The following PIK3C2G variants were observed in gnomAD, a reference collection of about 807,000 sequenced individuals.
PIK3C2G encodes the protein phosphatidylinositol-4-phosphate 3-kinase catalytic subunit type 2 gamma.
In PIK3C2G, 168 loss-of-function variants were observed where a neutral mutation model predicts 181.1. That is an observed-to-expected ratio of 0.93 (90% CI 0.82 to 1.05). The LOEUF (loss-of-function observed/expected upper bound fraction) is 1.05, where lower values mean the gene tolerates loss of function less well. Ranked by LOEUF, PIK3C2G falls within the 50% of genes least tolerant of loss-of-function variation. The probability of loss-of-function intolerance (pLI) is 0.00; values close to 1 mark genes in which losing one functional copy is unlikely to be tolerated. For missense variants in PIK3C2G, 1,869 were observed against 1,732.8 expected, an observed-to-expected ratio of 1.08 and a Z score of -1.40; for synonymous variants, 573 against 592.2, an observed-to-expected ratio of 0.97 and a Z score of 0.47.
intron 18 of PIK3C2G, among the ~76,000 whole-genome samples, chr12:18,449,620 G>A (rs777389709): frequency 6.6e-6 from 1 of 152,132 alleles, no homozygotes; most frequent in African/African-American, 2.4e-5. Flanking sequence ...TTCCTGCAAA[G>A]GACATGAATT....
intron 18 of PIK3C2G, among the ~76,000 whole-genome samples, chr12:18,426,440 A>G (rs1340979505): frequency 6.6e-6 from 1 of 152,152 alleles, no homozygotes; most frequent in Non-Finnish European, 1.5e-5. Flanking sequence ...TTATCCTATT[A>G]TCACCTACAC....
chr12:18,685,588 G>T, the PIK3C2G span: 3 of 505,176 alleles, frequency 5.9e-6, no homozygotes, highest in Non-Finnish European at 1.2e-5. Context: ...AGCAATCTAG[G>T]GTGCAGTCTA....
At chr12:18,311,671 T>G (rs1215444333) in intron 5 of PIK3C2G, among the ~76,000 whole-genome samples, 4 of 152,016 alleles carry the variant, frequency 2.6e-5, no homozygotes, top group Non-Finnish European at 5.9e-5. Context: ...AAATATATAC[T>G]AAAAATATTC....
At chr12:18,441,862 T>C (rs572747061) in intron 18 of PIK3C2G, among the ~76,000 whole-genome samples, 10 of 152,322 alleles carry the variant, frequency 6.6e-5, no homozygotes, top group Admixed American at 2.6e-4. Flanking sequence ...AAATGCAGCA[T>C]TGTGAATCAT....
chr12:18,565,798 G>C (rs758778654), intron 28 of PIK3C2G, among the ~76,000 whole-genome samples: 8 of 152,028 alleles, frequency 5.3e-5, no homozygotes, highest in Non-Finnish European at 7.4e-5. Flanking sequence ...CAGAATTGAC[G>C]TAGACTTCTG....
At chr12:18,380,337 T>C (rs1278398652) in intron 13 of PIK3C2G, among the ~76,000 whole-genome samples, 2 of 152,154 alleles carry the variant, frequency 1.3e-5, no homozygotes, top group East Asian at 1.9e-4. Flanking sequence ...CTCTGTCCCA[T>C]GCACAGAAAC....
At chr12:18,336,259 G>A (rs1464442264) in intron 8 of PIK3C2G, among the ~76,000 whole-genome samples, 2 of 152,134 alleles carry the variant, frequency 1.3e-5, no homozygotes, top group Admixed American at 6.5e-5. Flanking sequence ...AGAAGAGGGA[G>A]TCTAGGTACA....
intron 5 of PIK3C2G, among the ~76,000 whole-genome samples, chr12:18,312,937 G>T (rs1950701097): frequency 6.6e-6 from 1 of 151,744 alleles, no homozygotes; most frequent in African/African-American, 2.4e-5. Flanking sequence ...TGGTCTATTT[G>T]TCTGGCATTG....
At chr12:18,690,166 C>T in the PIK3C2G span, among the ~76,000 whole-genome samples, 1 of 152,118 alleles carries the variant, frequency 6.6e-6, no homozygotes, top group African/African-American at 2.4e-5. Flanking sequence ...TGGGCATATA[C>T]TTTGTGTAAG....
At chr12:18,592,332 G>A (rs759129059) in intron 29 of PIK3C2G, among the ~76,000 whole-genome samples, 6 of 151,858 alleles carry the variant, frequency 4.0e-5, no homozygotes, top group Non-Finnish European at 8.8e-5. Context: ...TCTCAGAAGT[G>A]ATGGCAATAG....
At chr12:18,613,876 G>A (rs74323206) in intron 31 of PIK3C2G, among the ~76,000 whole-genome samples, 3 of 152,024 alleles carry the variant, frequency 2.0e-5, no homozygotes, top group Non-Finnish European at 4.4e-5. Context: ...TGCCTTTGAT[G>A]TAGAACAAAG....
chr12:18,597,387 T>C (rs1359300315), intron 30 of PIK3C2G, among the ~76,000 whole-genome samples: 3 of 151,790 alleles, frequency 2.0e-5, no homozygotes, highest in Non-Finnish European at 4.4e-5. Flanking sequence ...TACATGAAAA[T>C]AAAAGCAAAT....
At chr12:18,303,147 TCTTTC>T (rs1950270174) in intron 5 of PIK3C2G, among the ~76,000 whole-genome samples, 1 of 150,590 alleles carries the variant, frequency 6.6e-6, no homozygotes, top group African/African-American at 2.4e-5. Context: ...TCTTTTCTTT[TCTTTC>T]TTCTTTCTCT....
intron 11 of PIK3C2G, among the ~76,000 whole-genome samples, chr12:18,361,661 G>C (rs1038008029): frequency 6.6e-6 from 1 of 152,070 alleles, no homozygotes; most frequent in Non-Finnish European, 1.5e-5. Context: ...GCTGGTTTCT[G>C]TCTTGTGGAG....
intron 9 of PIK3C2G, among the ~76,000 whole-genome samples, chr12:18,341,560 C>T (rs1366942336): frequency 2.0e-5 from 3 of 152,110 alleles, no homozygotes; most frequent in Non-Finnish European, 4.4e-5. Flanking sequence ...CTGGGTCCCA[C>T]TTATTTTGAG....
intron 1 of PIK3C2G, among the ~76,000 whole-genome samples, chr12:18,252,766 T>C (rs1354368596): frequency 6.6e-6 from 1 of 152,196 alleles, no homozygotes; most frequent in Non-Finnish European, 1.5e-5. Context: ...AAAAGTCTTA[T>C]GACCTAGTTT....
At chr12:18,297,744 G>A (rs545489530) in intron 5 of PIK3C2G, among the ~76,000 whole-genome samples, 1 of 152,012 alleles carries the variant, frequency 6.6e-6, no homozygotes, top group Non-Finnish European at 1.5e-5. Context: ...AACTCCGTGA[G>A]ATAACCATTT....
chr12:18,652,055 T>A (rs1333914675), downstream of PIK3C2G, among the ~76,000 whole-genome samples: 1 of 152,170 alleles, frequency 6.6e-6, no homozygotes, highest in African/African-American at 2.4e-5. Context: ...CGTATAACTT[T>A]TAAAGTTAGG....
the PIK3C2G span, among the ~76,000 whole-genome samples, chr12:18,691,224 T>G: frequency 6.6e-6 from 1 of 152,120 alleles, no homozygotes; most frequent in Non-Finnish European, 1.5e-5. Context: ...AATTTTCTAG[T>G]CCGAGCAGAG....
Sources: gnomAD v4.1 joint callset for allele counts (sites outside exome capture counted in the v4.1 genomes callset) on GRCh38, gnomAD v4.1.1 for gene constraint, MANE v1.5 for transcripts, NCBI Gene and HGNC (gene_info 2026-07-23, HGNC 2026-07-21) for gene names.